The following IL1RAPL2 variants were observed in gnomAD, a reference collection of about 807,000 sequenced individuals.
The protein encoded by IL1RAPL2 is interleukin 1 receptor accessory protein like 2.
IL1RAPL2 carries 3 observed loss-of-function variants against 44.1 expected under a neutral mutation model. The observed-to-expected ratio is 0.07, with a 90% confidence interval of 0.03 to 0.18. The LOEUF (loss-of-function observed/expected upper bound fraction) is 0.18. IL1RAPL2 is among the 10% of genes least tolerant of loss of function. The pLI is 1.00. For missense variants in IL1RAPL2, 391 were observed against 496.4 expected, an observed-to-expected ratio of 0.79 and a Z score of 2.02; for synonymous variants, 181 against 178.8, an observed-to-expected ratio of 1.01 and a Z score of -0.10.
intron 2 of IL1RAPL2, among the ~76,000 whole-genome samples, chrX:105,036,232 C>A (rs1178253968): frequency 8.9e-6 from 1 of 112,197 alleles, no homozygotes; most frequent in East Asian, 2.8e-4. Context: ...ACCCCTGAAA[C>A]ACCCTGGAGC....
At chrX:105,125,370 A>G (rs1456303932) in intron 2 of IL1RAPL2, among the ~76,000 whole-genome samples, 1 of 110,660 alleles carries the variant, frequency 9.0e-6, no homozygotes, top group Non-Finnish European at 1.9e-5. Flanking sequence ...TAATTATCCT[A>G]ATCCCACAAG....
chrX:105,492,671 A>G (rs1157480760), intron 6 of IL1RAPL2, among the ~76,000 whole-genome samples: 1 of 110,074 alleles, frequency 9.1e-6, no homozygotes, highest in Non-Finnish European at 1.9e-5. Flanking sequence ...ACAGGGTACT[A>G]GGCACTATAT....
chrX:105,719,700 T>C (rs185584930), intron 7 of IL1RAPL2, among the ~76,000 whole-genome samples: 59 of 109,312 alleles, frequency 5.4e-4, no homozygotes, highest in Admixed American at 4.9e-3. Context: ...TTTTAATGGA[T>C]AGATTATGTG....
At chrX:105,382,022 G>C (rs1293047751) in intron 5 of IL1RAPL2, among the ~76,000 whole-genome samples, 4 of 111,364 alleles carry the variant, frequency 3.6e-5, no homozygotes, top group African/African-American at 1.3e-4. Context: ...AACCCTAGAA[G>C]AAAACTTAGG....
intron 2 of IL1RAPL2, among the ~76,000 whole-genome samples, chrX:105,144,653 TGTGTCTTTGTTCACA>T (rs199961921): frequency 0.015 from 1,631 of 111,815 alleles, 34 homozygotes; most frequent in African/African-American, 0.049. Context: ...TTGATGCCTC[TGTGTCTTTGTTCACA>T]GTGTTTCCTG....
At chrX:104,711,123 C>T (rs890638209) in intron 2 of IL1RAPL2, among the ~76,000 whole-genome samples, 1 of 111,283 alleles carries the variant, frequency 9.0e-6, no homozygotes, top group Non-Finnish European at 1.9e-5. Flanking sequence ...AAATACTGAC[C>T]TTTGTGTTAC....
At chrX:105,649,333 C>T (rs181404297) in intron 6 of IL1RAPL2, among the ~76,000 whole-genome samples, 89 of 110,678 alleles carry the variant, frequency 8.0e-4, no homozygotes, top group African/African-American at 2.8e-3. Flanking sequence ...GACTGCTAAC[C>T]ATGACCCACA....
chrX:104,890,466 C>G (rs1276317140), intron 2 of IL1RAPL2, among the ~76,000 whole-genome samples: 1 of 111,937 alleles, frequency 8.9e-6, no homozygotes, highest in African/African-American at 3.3e-5. Context: ...CCTGTTGTTT[C>G]CTGACTTTTT....
intron 2 of IL1RAPL2, among the ~76,000 whole-genome samples, chrX:105,007,298 T>C: frequency 9.0e-6 from 1 of 111,512 alleles, no homozygotes; most frequent in Non-Finnish European, 1.9e-5. Flanking sequence ...TGCTCATATA[T>C]ATAGTCCTAC....
At chrX:104,668,070 G>T (rs757624109) in intron 2 of IL1RAPL2, among the ~76,000 whole-genome samples, 24 of 110,954 alleles carry the variant, frequency 2.2e-4, no homozygotes, top group Admixed American at 3.8e-4. Context: ...TAAAGTGCAG[G>T]ATATTTTTGA....
intron 9 of IL1RAPL2, among the ~76,000 whole-genome samples, chrX:105,753,312 G>T (rs1413704327): frequency 9.0e-6 from 1 of 111,518 alleles, no homozygotes; most frequent in Non-Finnish European, 1.9e-5. Flanking sequence ...AATTTAGGGA[G>T]GTTTGTGAAA....
At chrX:104,597,993 G>T (rs73521394) in intron 1 of IL1RAPL2, among the ~76,000 whole-genome samples, 1 of 111,841 alleles carries the variant, frequency 8.9e-6, no homozygotes, top group African/African-American at 3.2e-5. Context: ...AAAATTGTGG[G>T]GCAGTTATGT....
At chrX:105,620,493 T>TA (rs1385099730) in intron 6 of IL1RAPL2, among the ~76,000 whole-genome samples, 1 of 110,800 alleles carries the variant, frequency 9.0e-6, no homozygotes, top group Non-Finnish European at 1.9e-5. Flanking sequence ...CTCATTCTAA[T>TA]AAAAATCTAC....
chrX:104,586,310 A>C (rs913518754), intron 1 of IL1RAPL2, among the ~76,000 whole-genome samples: 11 of 111,575 alleles, frequency 9.9e-5, no homozygotes, highest in Non-Finnish European at 2.1e-4. Context: ...TTGCTTTAAA[A>C]TTTGTTTAAT....
intron 2 of IL1RAPL2, among the ~76,000 whole-genome samples, chrX:104,762,640 C>T (rs1460139449): frequency 2.7e-5 from 3 of 113,019 alleles, no homozygotes; most frequent in Non-Finnish European, 5.6e-5. Flanking sequence ...TCTATGGGGG[C>T]TCCACCCCTG....
intron 6 of IL1RAPL2, among the ~76,000 whole-genome samples, chrX:105,545,083 T>C (rs2036780904): frequency 8.9e-6 from 1 of 111,951 alleles, no homozygotes; most frequent in African/African-American, 3.3e-5. Context: ...TAATTATTGC[T>C]TCATGTAATC....
chrX:105,544,311 A>G (rs2036770490), intron 6 of IL1RAPL2, among the ~76,000 whole-genome samples: 1 of 110,139 alleles, frequency 9.1e-6, no homozygotes, highest in South Asian at 3.7e-4. Context: ...TGTAGATTCC[A>G]TATCTCTTTT....
intron 3 of IL1RAPL2, among the ~76,000 whole-genome samples, chrX:105,229,359 C>T (rs1313549262): frequency 1.8e-5 from 2 of 112,339 alleles, no homozygotes; most frequent in Non-Finnish European, 3.8e-5. Context: ...TAGCAGGACT[C>T]ACATCAGACC....
chrX:105,447,075 T>TTATA (rs1205983853), intron 5 of IL1RAPL2, among the ~76,000 whole-genome samples: 3,193 of 16,805 alleles, frequency 0.19, 421 homozygotes, highest in Admixed American at 0.25. Flanking sequence ...CTGGTTAAAA[T>TTATA]TATATATATA....
Sources: allele counts gnomAD v4.1 joint callset (sites outside exome capture counted in the v4.1 genomes callset), GRCh38; gene constraint gnomAD v4.1.1; transcripts MANE v1.5; gene names NCBI Gene and HGNC (gene_info 2026-07-23, HGNC 2026-07-21).